NRG3: variants seen among roughly 807,000 people sequenced by gnomAD.
NRG3 encodes the protein pro-neuregulin-3, membrane-bound isoform.
NRG3 carries 31 observed loss-of-function variants against 66.9 expected under a neutral mutation model. The ratio of observed to expected loss-of-function variants is 0.46; its 90% CI spans 0.35 to 0.63. The LOEUF (loss-of-function observed/expected upper bound fraction) is 0.63, where lower values mean the gene tolerates loss of function less well. Ranked by LOEUF, NRG3 falls within the 20% of genes least tolerant of loss-of-function variation. The pLI, the probability that NRG3 is intolerant of heterozygous loss-of-function variation, is 0.00. For synonymous variants in NRG3, 393 were observed against 359.4 expected (o/e 1.09, Z -1.06); for missense variants, 910 against 878.9 (o/e 1.04, Z -0.45).
intron 2 of NRG3, among the ~76,000 whole-genome samples, chr10:82,731,657 A>G (rs915376673): frequency 6.6e-6 from 1 of 152,066 alleles, no homozygotes; most frequent in African/African-American, 2.4e-5. Context: ...ACCATATTTT[A>G]TTTATCTATT....
intron 3 of NRG3, among the ~76,000 whole-genome samples, chr10:82,769,278 A>C (rs1289999663): frequency 6.6e-6 from 1 of 152,114 alleles, no homozygotes; most frequent in African/African-American, 2.4e-5. Context: ...CTGAAGCACC[A>C]GTTCAAAGGC....
chr10:81,914,643 C>T (rs1199427913), intron 1 of NRG3, among the ~76,000 whole-genome samples: 1 of 151,914 alleles, frequency 6.6e-6, no homozygotes, highest in African/African-American at 2.4e-5. Context: ...GTAGTTCTAG[C>T]TACTCAGGAG....
chr10:82,574,363 A>T (rs1359813780), intron 2 of NRG3, among the ~76,000 whole-genome samples: 1 of 151,804 alleles, frequency 6.6e-6, no homozygotes, highest in Non-Finnish European at 1.5e-5. Flanking sequence ...GAGTAGAATG[A>T]TGGTTACCAA....
At chr10:82,823,363 T>C (rs2062037586) in intron 3 of NRG3, among the ~76,000 whole-genome samples, 1 of 152,164 alleles carries the variant, frequency 6.6e-6, no homozygotes, top group African/African-American at 2.4e-5. Context: ...GGATAGGCTT[T>C]GGGAACCAGG....
chr10:82,757,605 A>C (rs945561727), intron 3 of NRG3, among the ~76,000 whole-genome samples: 3 of 152,106 alleles, frequency 2.0e-5, no homozygotes, highest in African/African-American at 7.2e-5. Flanking sequence ...TGAATGATGC[A>C]ATATATTGGA....
intron 1 of NRG3, among the ~76,000 whole-genome samples, chr10:81,964,438 CA>C (rs1052284383): frequency 1.5e-5 from 2 of 136,140 alleles, no homozygotes; most frequent in African/African-American, 2.7e-5. Flanking sequence ...TAGAAAATTA[CA>C]AAAAAATTCA....
At chr10:82,748,840 A>G (rs1365296269) in intron 3 of NRG3, among the ~76,000 whole-genome samples, 2 of 151,908 alleles carry the variant, frequency 1.3e-5, no homozygotes, top group African/African-American at 2.4e-5. Flanking sequence ...AATTTGCCCA[A>G]GGATACACAC....
rs66722309 is a variant in NRG3, at chr10:82,688,769, G to GA, written c.954-49796dup. Among the ~76,000 whole-genome samples, 979 of 136,798 alleles carry GA rather than the reference G, an allele frequency of 7.2e-3. 8 individuals carry two copies. Among genetic ancestry groups the GA allele is most frequent in the East Asian group, 0.027 (126 of 4,738 alleles). The allele number at this position is 136,798 out of a possible 152,430, so 89.7% of individuals were successfully genotyped here. Reference sequence around the variant, plus strand: ...AGAACAAATCCATAGGTCTTTTTTAGAAAAAAAAAAAAGAAAAGAAAAGAA... The same window carrying GA: ...AGAACAAATCCATAGGTCTTTTTTAGAAAAAAAAAAAAAGAAAAGAAAAGAA... On this transcript the variant is annotated intron_variant, in intron 2 of 8. Transcript: ENST00000372141.
At chr10:81,972,667 G>C (rs1411820357) in intron 1 of NRG3, among the ~76,000 whole-genome samples, 2 of 152,004 alleles carry the variant, frequency 1.3e-5, no homozygotes, top group Non-Finnish European at 2.9e-5. Context: ...CAATGAATGG[G>C]ACATTAGTGA....
intron 1 of NRG3, among the ~76,000 whole-genome samples, chr10:82,278,924 G>T (rs1252379073): frequency 1.3e-5 from 2 of 152,136 alleles, no homozygotes; most frequent in African/African-American, 4.8e-5. Context: ...GCCCAGGTGA[G>T]TTAGGTGTCT....
chr10:82,291,901 G>A (rs1337380021), intron 1 of NRG3, among the ~76,000 whole-genome samples: 2 of 152,126 alleles, frequency 1.3e-5, no homozygotes, highest in East Asian at 1.9e-4. Flanking sequence ...AAAATTTCTG[G>A]GATCTAGCAT....
chr10:82,549,869 T>C lies in NRG3; in HGVS notation c.954-188708T>C, dbSNP rs192866917. 4.6e-5 allele frequency among the ~76,000 whole-genome samples: 7 copies of C among 152,204 alleles called. No individual in the cohort carries two copies. In the East Asian group the frequency reaches 1.4e-3, roughly 29 times the overall value. ...AATTAGATGAATTTCTCAGTGTTGA[T>C]TGAAAGATCCAATACCGGTCACCAT... is the stretch of plus-strand genomic sequence containing the variant. On this transcript the variant is annotated intron_variant, in intron 2 of 8. Transcript: ENST00000372141.
intron 2 of NRG3, among the ~76,000 whole-genome samples, chr10:82,675,598 T>C (rs2053628602): frequency 1.3e-5 from 2 of 152,332 alleles, no homozygotes; most frequent in South Asian, 4.1e-4. Flanking sequence ...CAGCCCCCTC[T>C]ATCTGCCTAG....
chr10:82,255,344 T>C (rs376571566), intron 1 of NRG3, among the ~76,000 whole-genome samples: 4 of 152,306 alleles, frequency 2.6e-5, no homozygotes, highest in African/African-American at 2.4e-5. Flanking sequence ...TGTGGTCTGC[T>C]GGAGGGGATC....
chr10:82,751,828 T>C (rs1363310195), intron 3 of NRG3, among the ~76,000 whole-genome samples: 1 of 152,190 alleles, frequency 6.6e-6, no homozygotes, highest in East Asian at 1.9e-4. Context: ...TCCTTAAATA[T>C]CTATTGCTAT....
At chr10:82,405,272 G>T (rs944319657) in intron 2 of NRG3, among the ~76,000 whole-genome samples, 2 of 152,072 alleles carry the variant, frequency 1.3e-5, no homozygotes, top group African/African-American at 2.4e-5. Flanking sequence ...CGCATCTAAG[G>T]GAGAGCAGCC....
chr10:82,183,401 C>T (rs776799912), intron 1 of NRG3, among the ~76,000 whole-genome samples: 1 of 151,872 alleles, frequency 6.6e-6, no homozygotes, highest in Non-Finnish European at 1.5e-5. Context: ...TTCGTTAACT[C>T]ATATATCTCC....
chr10:81,927,075 C>T (rs1396545899), intron 1 of NRG3, among the ~76,000 whole-genome samples: 1 of 152,090 alleles, frequency 6.6e-6, no homozygotes, highest in Non-Finnish European at 1.5e-5. Context: ...CCCTGTTAGG[C>T]CAAGAGATAA....
At chr10:82,552,480 TATTGACTG>T (rs1164286209) in intron 2 of NRG3, among the ~76,000 whole-genome samples, 1 of 152,200 alleles carries the variant, frequency 6.6e-6, no homozygotes, top group Non-Finnish European at 1.5e-5. Context: ...GACTAATGTG[TATTGACTG>T]ATAACTTTTT....
Sources: allele counts gnomAD v4.1 joint callset (sites outside exome capture counted in the v4.1 genomes callset), GRCh38; gene constraint gnomAD v4.1.1; transcripts MANE v1.5; gene names NCBI Gene and HGNC (gene_info 2026-07-23, HGNC 2026-07-21).